The following CLASP1 variants were observed in gnomAD, a reference collection of about 807,000 sequenced individuals.
CLASP1 encodes the protein cytoplasmic linker associated protein 1.
Under a neutral mutation model 192.3 loss-of-function variants are expected in CLASP1, and 38 were observed. The observed-to-expected ratio is 0.20, with a 90% CI of 0.15 to 0.26. CLASP1 has a LOEUF of 0.26. Ranked by LOEUF, CLASP1 falls within the 10% of genes least tolerant of loss-of-function variation. CLASP1 has a pLI of 1.00. For missense variants in CLASP1, 1,433 were observed against 1,932.5 expected (o/e 0.74, Z 4.85); for synonymous variants, 691 against 712.8 (o/e 0.97, Z 0.49).
intron 39 of CLASP1, among the ~76,000 whole-genome samples, chr2:121,345,872 G>A (rs1031563618): frequency 1.3e-5 from 2 of 152,144 alleles, no homozygotes; most frequent in Non-Finnish European, 1.5e-5. Context: ...GGCACATGTC[G>A]GTATAGACGG....
intron 37 of CLASP1, among the ~76,000 whole-genome samples, chr2:121,355,271 C>T (rs561937961): frequency 3.9e-5 from 6 of 152,194 alleles, no homozygotes; most frequent in South Asian, 2.1e-4. Context: ...GGACTACAGG[C>T]GCACACCACC....
chr2:121,341,218 AG>A (rs889605021), intron 39 of CLASP1, among the ~76,000 whole-genome samples: 3 of 152,190 alleles, frequency 2.0e-5, no homozygotes, highest in African/African-American at 7.2e-5. Context: ...TGTCACAACT[AG>A]GTGGGCCGCA....
At chr2:121,608,542 C>T (rs1348092059) in intron 1 of CLASP1, among the ~76,000 whole-genome samples, 1 of 152,202 alleles carries the variant, frequency 6.6e-6, no homozygotes, top group African/African-American at 2.4e-5. Flanking sequence ...CATGCTCTGA[C>T]CAACAGCCAG....
chr2:121,492,546 C>T (rs767233813), intron 8 of CLASP1, among the ~76,000 whole-genome samples: 1 of 151,384 alleles, frequency 6.6e-6, no homozygotes, highest in African/African-American at 2.4e-5. Context: ...GTTTTTCCAA[C>T]GTAGATCAAC....
At chr2:121,547,671 G>A (rs1397448246) in intron 2 of CLASP1, among the ~76,000 whole-genome samples, 1 of 152,156 alleles carries the variant, frequency 6.6e-6, no homozygotes, top group Admixed American at 6.5e-5. Flanking sequence ...TCAAGGTGGA[G>A]AGAAACCCAC....
intron 37 of CLASP1, among the ~76,000 whole-genome samples, chr2:121,355,078 G>A (rs1391323817): frequency 1.3e-5 from 2 of 152,134 alleles, no homozygotes; most frequent in African/African-American, 2.4e-5. Context: ...CAAACCCAAG[G>A]AGCCCTTCAT....
chr2:121,580,490 GATC>G (rs1198228041), intron 2 of CLASP1, among the ~76,000 whole-genome samples: 1 of 152,030 alleles, frequency 6.6e-6, no homozygotes, highest in East Asian at 1.9e-4. Flanking sequence ...TTTCTTTCCA[GATC>G]ATTTTTCTAC....
chr2:121,601,729 T>A (rs1187963669), intron 2 of CLASP1, among the ~76,000 whole-genome samples: 1 of 152,170 alleles, frequency 6.6e-6, no homozygotes, highest in East Asian at 1.9e-4. Context: ...TGTTTGCAGA[T>A]GACATGATCT....
exon 38 of CLASP1, chr2:121,348,668 G>C: frequency 1.2e-6 from 2 of 1,613,906 alleles, no homozygotes; most frequent in Admixed American, 1.7e-5. Flanking sequence ...ACTGCTCCGG[G>C]TGGATGGAAC....
intron 23 of CLASP1, among the ~76,000 whole-genome samples, chr2:121,414,164 G>A (rs1490193252): frequency 6.6e-6 from 1 of 152,192 alleles, no homozygotes; most frequent in African/African-American, 2.4e-5. Flanking sequence ...AGATTCAGCA[G>A]TGGAGAGAGC....
At chr2:121,595,499 G>A (rs1223288729) in intron 2 of CLASP1, among the ~76,000 whole-genome samples, 3 of 152,182 alleles carry the variant, frequency 2.0e-5, no homozygotes, top group Non-Finnish European at 4.4e-5. Flanking sequence ...TTCTTCTGTT[G>A]CATGTATCCT....
At chr2:121,646,355 A>G (rs556018457) in intron 1 of CLASP1, among the ~76,000 whole-genome samples, 5 of 152,178 alleles carry the variant, frequency 3.3e-5, no homozygotes, top group Admixed American at 1.3e-4. Context: ...CAACCCGCCC[A>G]CCTTGGCCTC....
rs201827531 is a variant in CLASP1 at position 121,578,249 on chromosome 2, AAAACAAAG to A, written c.195+27444_195+27451del. Among the ~76,000 whole-genome samples the A allele has an allele frequency of 2.2e-3, 341 of 152,016 alleles. 1 individual carries two copies. Among genetic ancestry groups the A allele is most frequent in the African/African-American group, 7.7e-3 (318 of 41,468 alleles). The stretch of plus-strand genomic sequence containing the variant: ...CACACCCTGCCGCTAGAAAAGATGA[AAAACAAAG>A]AAACAAAGAAACAAACAAACAAACA... On this transcript the variant is annotated intron_variant, in intron 2 of 39. Transcript: ENST00000263710.
chr2:121,636,456 G>A (rs941825532), intron 1 of CLASP1, among the ~76,000 whole-genome samples: 11 of 151,384 alleles, frequency 7.3e-5, no homozygotes, highest in Non-Finnish European at 1.6e-4. Context: ...CTGAGGTCAG[G>A]AGTTCGACAC....
At position 121,407,446 on chromosome 2, in the gene CLASP1, C is replaced by G. The variant is rs2077088324; in HGVS notation, c.2669+25G>C. ...AGTCCAACAGGAGATTCAAACTTAG[C>G]TCATATTCTTGCTGTGGTCCTCACC... On this transcript the variant is annotated intron_variant, in intron 25 of 39. Transcript: ENST00000263710. 5.0e-6 allele frequency: 8 copies of G among 1,612,494 alleles called. No individual in the cohort carries two copies. The Admixed American group carries it at 1.2e-4, about 24-fold the overall frequency.
chr2:121,459,938 A>G, intron 12 of CLASP1, 42 bp downstream of exon 12: 5 of 1,550,844 alleles, frequency 3.2e-6, no homozygotes, highest in Non-Finnish European at 4.4e-6. Context: ...CTCTGTGGTG[A>G]CACTATTTTA....
intron 8 of CLASP1, among the ~76,000 whole-genome samples, chr2:121,472,280 C>T (rs1385979495): frequency 9.2e-5 from 14 of 152,170 alleles, no homozygotes; most frequent in Non-Finnish European, 1.5e-5. Context: ...GAAATTTTTG[C>T]TTGCATCAGT....
intron 19 of CLASP1, among the ~76,000 whole-genome samples, chr2:121,438,262 C>T (rs1377279934): frequency 1.3e-5 from 2 of 152,196 alleles, no homozygotes; most frequent in Admixed American, 6.5e-5. Flanking sequence ...CTTCCAAACA[C>T]CACAGGTGAA....
At chr2:121,554,441 C>G (rs1054309006) in intron 2 of CLASP1, among the ~76,000 whole-genome samples, 1 of 131,572 alleles carries the variant, frequency 7.6e-6, no homozygotes, top group Non-Finnish European at 1.5e-5. Context: ...GAAGACCCTG[C>G]CTCTACAAAA....
Sources: gnomAD v4.1 joint callset for allele counts (sites outside exome capture counted in the v4.1 genomes callset) on GRCh38, gnomAD v4.1.1 for gene constraint, MANE v1.5 for transcripts, NCBI Gene and HGNC (gene_info 2026-07-23, HGNC 2026-07-21) for gene names.